Variants in SHARPIN observed in about 807,000 individuals in gnomAD.
SHARPIN encodes the protein hSIPL1.
SHARPIN carries 25 observed loss-of-function variants against 40.3 expected under a neutral mutation model. The ratio of observed to expected loss-of-function variants is 0.62; its 90% CI spans 0.45 to 0.87. The LOEUF is 0.87. Among genes scored for constraint, SHARPIN ranks in the 40% least tolerant of loss-of-function variants. The pLI is 0.00. For synonymous variants in SHARPIN, 274 were observed against 221.8 expected (o/e 1.24, Z -2.09); for missense variants, 551 against 516.1 (o/e 1.07, Z -0.66).
chr8:144,098,683 CA>C lies in SHARPIN; in HGVS notation c.*117del. 1 of 495,368 alleles carries C rather than the reference CA, an allele frequency of 2.0e-6. No individual in the cohort carries two copies. The highest frequency in any genetic ancestry group is 2.8e-5 in the South Asian group (1 of 35,684). 30.7% of individuals were successfully genotyped at this position (495,368 alleles called of 1,614,324 possible). On this transcript the variant is annotated 3_prime_UTR_variant, in exon 9 of 9. Coordinates refer to ENST00000398712, the MANE Select transcript of SHARPIN (RefSeq NM_030974.4). ...GGTTTCATTTTGTGGCCCTTCCCCC[CA>C]ACCCTGGTGACTGTCCCAGCAAGCA...
In SHARPIN at chr8:144,098,850, G is replaced by T. The variant is rs34960192; in HGVS notation, c.*12+16C>A. The T allele has an allele frequency of 9.8e-6, 15 of 1,527,682 alleles. No homozygotes were observed. Among genetic ancestry groups the T allele is most frequent in the Non-Finnish European group, 9.7e-6 (11 of 1,130,038 alleles). 94.6% of individuals were successfully genotyped at this position (1,527,682 alleles called of 1,614,324 possible). Reference sequence around the variant, plus strand: ...GCCCTGCCCCCCACCTCCCCTGCCTGTGCCACCTCTGGTACCTCTGGTGGC... The same window carrying T: ...GCCCTGCCCCCCACCTCCCCTGCCTTTGCCACCTCTGGTACCTCTGGTGGC... On this transcript the variant is annotated intron_variant, in intron 8 of 8. Transcript: ENST00000398712.
At chr8:144,101,685 T>C (rs1486920003) in intron 2 of SHARPIN, among the ~76,000 whole-genome samples, 1 of 150,836 alleles carries the variant, frequency 6.6e-6, no homozygotes, top group South Asian at 2.1e-4. Flanking sequence ...CAAAGTGCTG[T>C]GATTACAGGT....
At position 144,099,144 on chromosome 8, in the gene SHARPIN, G is replaced by A. The variant is rs1836230268; in HGVS notation, c.984C>T (p.Pro328=). 1 of 1,591,042 alleles carries A rather than the reference G, an allele frequency of 6.3e-7. No homozygotes were observed. The highest frequency in any genetic ancestry group is 1.4e-5 in the African/African-American group (1 of 73,970). ...GGCCTGGGGGTAGCCCCAATGATGG[G>A]GGAAACAAGCGTCCAAGTTCCCCGT... The part of the protein sequence containing the change: ...KMDGELGRLF[P]PSLGLPPGPQ... Residue 328 remains proline (P), a synonymous_variant, in exon 7 of 9, where the codon CCC becomes CCT. Coordinates refer to ENST00000398712, the MANE Select transcript of SHARPIN (RefSeq NM_030974.4).
Position 144,099,919 on chromosome 8 carries a change from C to A in SHARPIN, c.517+10G>T. 6.2e-7 allele frequency: 1 copy of A among 1,609,668 alleles called. No individual in the cohort carries two copies. The highest frequency in any genetic ancestry group is 1.1e-5 in the South Asian group (1 of 90,544). On this transcript the variant is annotated intron_variant, in intron 3 of 8. Coordinates refer to ENST00000398712, the MANE Select transcript of SHARPIN (RefSeq NM_030974.4). ...CCCCGAACCCCCCAACCCCCTCCCC[C>A]CACCTGTACCTCTCTCCGTCAAGTT... is the stretch of plus-strand genomic sequence containing the variant.
At position 144,099,752 on chromosome 8, in the gene SHARPIN, C is replaced by A. The variant is rs764531588; in HGVS notation, c.610G>T (p.Ala204Ser). 22 of 1,613,296 alleles carry A rather than the reference C, an allele frequency of 1.4e-5. No individual in the cohort carries two copies. Reference protein sequence around the residue: ...VAAVLAQHRVALSVQLQEACF... With the variant: ...VAAVLAQHRVSLSVQLQEACF... ...GCCTCCTGAAGCTGAACACTCAGGGCCACACGATGCTGGGCCAGGACGGCT... is the reference window on the plus strand; with the variant it reads ...GCCTCCTGAAGCTGAACACTCAGGGACACACGATGCTGGGCCAGGACGGCT... The change falls in exon 4 of 9, where the codon GCC becomes TCC. Residue 204 changes from alanine to serine, a missense_variant. Physicochemically the swap from Ala to Ser is moderately conservative, Grantham distance 99. Coordinates refer to ENST00000398712, the MANE Select transcript of SHARPIN (RefSeq NM_030974.4).
intron 2 of SHARPIN, 93 bp downstream of exon 2, chr8:144,102,958 C>A: frequency 6.7e-7 from 1 of 1,499,086 alleles, no homozygotes; most frequent in Non-Finnish European, 9.2e-7. Context: ...CCCAGACATC[C>A]AGCAGTGGGG....
At chr8:144,101,757 T>C (rs1836292439) in intron 2 of SHARPIN, among the ~76,000 whole-genome samples, 1 of 151,974 alleles carries the variant, frequency 6.6e-6, no homozygotes, top group South Asian at 2.1e-4. Context: ...TGCCCAGCCC[T>C]GTACTTATTT....
rs1836259365 is a variant in SHARPIN at position 144,100,057 on chromosome 8, T to C, written c.389A>G (p.Asn130Ser). 1 of 1,576,856 alleles carries C rather than the reference T, an allele frequency of 6.3e-7. No homozygotes were observed. The highest frequency in any genetic ancestry group is 1.4e-5 in the African/African-American group (1 of 73,776). ...TTCTGGGCCCAAGGCTGGTGGTGAG[T>C]TGCTCTTGCTGCCTAGAGGTAAGAT... ...TVEGQNGSKS[N>S]SPPALGPEAC... is the part of the protein sequence containing the mutation. The change falls in exon 3 of 9, where the codon AAC becomes AGC. Residue 130 changes from asparagine (N) to serine (S), a missense_variant. Coordinates refer to ENST00000398712, the MANE Select transcript of SHARPIN (RefSeq NM_030974.4).
At position 144,103,686 on chromosome 8, in the gene SHARPIN, G is replaced by A; in HGVS notation, c.68C>T (p.Ala23Val). The change falls in exon 1 of 9, where the codon GCT (alanine) becomes GTT (valine). Residue 23 changes from alanine (A) to valine (V), a missense_variant. Coordinates refer to ENST00000398712, the MANE Select transcript of SHARPIN (RefSeq NM_030974.4). ...CAGCGGCCTCACCGCGGCGTGCACA[G>A]CCAAGAGCACTGCGGCGGAGCCCAA... The part of the protein sequence containing the change: ...SDLGSAAVLL[A>V]VHAAVRPLGA... The A allele has an allele frequency of 1.3e-6, 2 of 1,506,690 alleles. No individual in the cohort carries two copies. The highest frequency in any genetic ancestry group is 1.2e-5 in the South Asian group (1 of 81,516). 93.3% of individuals were successfully genotyped at this position (1,506,690 alleles called of 1,614,324 possible). A position where few individuals can be genotyped will look rare whatever the true frequency, so the allele number is the denominator to read the frequency against.
chr8:144,103,731 G>GCCA lies in SHARPIN; in HGVS notation c.22_23insTGG (p.Gly7_Ala8insVal). On this transcript the variant is annotated inframe_insertion, in exon 1 of 9. Transcript: ENST00000398712. Reference sequence around the variant, plus strand: ...GCCCAAGTCCGAGGCCGCCGCCGCCGCCCCGCCCGCTGGCGGCGCCATCTC... The same window carrying GCCA: ...GCCCAAGTCCGAGGCCGCCGCCGCCGCCACCCCGCCCGCTGGCGGCGCCATCTC... The GCCA allele has an allele frequency of 7.2e-7, 1 of 1,386,210 alleles. No individual in the cohort carries two copies. Among genetic ancestry groups the GCCA allele is most frequent in the Non-Finnish European group, 9.3e-7 (1 of 1,076,592 alleles). The allele number at this position is 1,386,210 out of a possible 1,614,324, so 85.9% of individuals were successfully genotyped here.
rs1836216089 is a variant in SHARPIN, at chr8:144,098,647, G to C, written c.*154C>G. On this transcript the variant is annotated 3_prime_UTR_variant, in exon 9 of 9. Transcript: ENST00000398712. ...GAAAGGGATGCTTGCTGGCTCTTAA[G>C]GGTCTTTAATGGTTTCATTTTGTGG... The C allele has an allele frequency of 2.4e-6, 1 of 411,950 alleles. No individual in the cohort carries two copies. Among genetic ancestry groups the C allele is most frequent in the Non-Finnish European group, 4.4e-6 (1 of 229,410 alleles). 25.5% of individuals were successfully genotyped at this position (411,950 alleles called of 1,614,324 possible).
At position 144,099,097 on chromosome 8, in the gene SHARPIN, AGGCTGGAGGCAGCT is replaced by A. The variant is rs781779024; in HGVS notation, c.1017_1030del (p.Ala341GlnfsTer24). 2 of 1,579,886 alleles carry A rather than the reference AGGCTGGAGGCAGCT, an allele frequency of 1.3e-6. No homozygotes were observed. The highest frequency in any genetic ancestry group is 1.7e-6 in the Non-Finnish European group (2 of 1,162,760). ...CGTGCCCACCTGGAGTGGACTGGGC[AGGCTGGAGGCAGCT>A]GGCTGGGGGCCTGGGGGTAGCCCCA... On this transcript the variant is annotated frameshift_variant, in exon 7 of 9. Coordinates refer to ENST00000398712, the MANE Select transcript of SHARPIN (RefSeq NM_030974.4). LOFTEE classifies it high-confidence loss of function.
chr8:144,099,579 G>A lies in SHARPIN; in HGVS notation c.699C>T (p.Ser233=), dbSNP rs369818264. The change falls in exon 5 of 9, where the codon TCC becomes TCT. Residue 233 remains serine (S), a synonymous_variant. Transcript: ENST00000398712. ...VTLEDAASAA[S]AASSAHVALQ... is the part of the protein sequence containing the mutation. ...GGGCAACGTGTGCAGAGGACGCGGC[G>A]GATGCGGCAGAGGCAGCGTCTTCAA... is the stretch of plus-strand genomic sequence containing the variant. 18 of 1,614,082 alleles carry A rather than the reference G, an allele frequency of 1.1e-5. No individual in the cohort carries two copies. Among genetic ancestry groups the A allele is most frequent in the Middle Eastern group, 1.6e-4 (1 of 6,062 alleles).
chr8:144,103,424 C>G, intron 1 of SHARPIN, 129 bp downstream of exon 1: 1 of 1,145,364 alleles, frequency 8.7e-7, no homozygotes, highest in Non-Finnish European at 1.2e-6. Flanking sequence ...ATTTCACGGA[C>G]GAGAAAACAG....
rs200777435 is a variant in SHARPIN, at chr8:144,099,393, C to T, written c.806G>A (p.Arg269His). 31 of 1,613,240 alleles carry T rather than the reference C, an allele frequency of 1.9e-5. No homozygotes were observed. The highest frequency in any genetic ancestry group is 9.3e-5 in the African/African-American group (7 of 75,026). The change falls in exon 6 of 9, where the codon CGC (arginine) becomes CAC (histidine). Residue 269 changes from arginine (R) to histidine (H), a missense_variant. Arg to His is a conservative substitution (Grantham distance 29). Coordinates refer to ENST00000398712, the MANE Select transcript of SHARPIN (RefSeq NM_030974.4). Reference protein sequence around the residue: ...SELGFPPAVQRWVIGRCLCVP... With the variant: ...SELGFPPAVQHWVIGRCLCVP... The stretch of plus-strand genomic sequence containing the variant: ...ACACAGGCACCGTCCGATGACCCAG[C>T]GTTGCACGGCTGGCGGGAAACCGAG...
In SHARPIN at chr8:144,099,279, G is replaced by T. The variant is rs1358827109; in HGVS notation, c.920C>A (p.Pro307Gln). The T allele has an allele frequency of 6.2e-7, 1 of 1,614,092 alleles. No individual in the cohort carries two copies. The highest frequency in any genetic ancestry group is 1.1e-5 in the South Asian group (1 of 91,084). ...CCCCACCCCCATCGAGGACTGACCTGGGGCTTCTCGAGGAGCTGACAGCAA... is the reference window on the plus strand; with the variant it reads ...CCCCACCCCCATCGAGGACTGACCTTGGGCTTCTCGAGGAGCTGACAGCAA... ...LYLLSAPREA[P>Q]ATGPSPQHPQ... Residue 307 changes from proline (P) to glutamine (Q), a missense_variant and splice_region_variant, in exon 6 of 9, where the codon CCA becomes CAA. Coordinates refer to ENST00000398712, the MANE Select transcript of SHARPIN (RefSeq NM_030974.4).
Position 144,103,196 on chromosome 8 carries a change from A to C in SHARPIN, c.231T>G (p.Val77=). The part of the protein sequence containing the change: ...AVNLEWPLES[V]SYTIRGPTQH... ...GGGTGGGGCCTCGGATGGTGTAGGA[A>C]ACTGACTCCAGGGGCCACTCCAAAT... The change falls in exon 2 of 9, where the codon GTT becomes GTG. Residue 77 remains valine, a synonymous_variant. Transcript: ENST00000398712. 6.2e-7 allele frequency: 1 copy of C among 1,612,108 alleles called. No individual in the cohort carries two copies. The highest frequency in any genetic ancestry group is 8.5e-7 in the Non-Finnish European group (1 of 1,179,314).
Position 144,099,286 on chromosome 8 carries a change from C to T in SHARPIN, c.913G>A (p.Glu305Lys), listed in dbSNP as rs921364768. 2 of 1,614,098 alleles carry T rather than the reference C, an allele frequency of 1.2e-6. No homozygotes were observed. Among genetic ancestry groups the T allele is most frequent in the Middle Eastern group, 3.3e-4 (2 of 6,062 alleles). The change falls in exon 6 of 9, where the codon GAA becomes AAA. Residue 305 changes from glutamate (E) to lysine (K), a missense_variant. Transcript: ENST00000398712. ...CCCATCGAGGACTGACCTGGGGCTT[C>T]TCGAGGAGCTGACAGCAAGTAGAGG... Reference protein sequence around the residue: ...AFLYLLSAPREAPATGPSPQH... With the variant: ...AFLYLLSAPRKAPATGPSPQH...
At position 144,099,991 on chromosome 8, in the gene SHARPIN, G is replaced by A; in HGVS notation, c.455C>T (p.Thr152Ile). 1.2e-6 allele frequency: 2 copies of A among 1,611,238 alleles called. No individual in the cohort carries two copies. The highest frequency in any genetic ancestry group is 2.2e-5 in the South Asian group (2 of 90,706). The change falls in exon 3 of 9, where the codon ACA becomes ATA. Residue 152 changes from threonine (T) to isoleucine (I), a missense_variant. By Grantham distance (89) the Thr-to-Ile change is moderately conservative (BLOSUM62 -1). Transcript: ENST00000398712. ...VSLPSPPEAS[T>I]LKGPPPEADL... ...TGCCTCAGGTGGAGGGCCCTTGAGT[G>A]TGGAGGCTTCCGGGGGACTGGGCAG...
Sources: gnomAD v4.1 joint callset for allele counts (sites outside exome capture counted in the v4.1 genomes callset) on GRCh38, gnomAD v4.1.1 for gene constraint, MANE v1.5 for transcripts, NCBI Gene and HGNC (gene_info 2026-07-23, HGNC 2026-07-21) for gene names.